Variants in TRMT13 observed in about 807,000 individuals in gnomAD.
TRMT13 encodes the protein tRNA:m(4)X modification enzyme TRM13 homolog.
TRMT13 carries 45 observed loss-of-function variants against 55.9 expected under a neutral mutation model. That is an observed-to-expected ratio of 0.80 (90% CI 0.63 to 1.03). The LOEUF (loss-of-function observed/expected upper bound fraction) is 1.03. Among genes scored for constraint, TRMT13 ranks in the 50% least tolerant of loss-of-function variants. The pLI is 0.00. For synonymous variants in TRMT13, 183 were observed against 196.3 expected (o/e 0.93, Z 0.57); for missense variants, 513 against 563.9 (o/e 0.91, Z 0.91).
At chr1:100,133,879 C>G (rs1655412808) in intron 1 of TRMT13, among the ~76,000 whole-genome samples, 1 of 152,034 alleles carries the variant, frequency 6.6e-6, no homozygotes, top group Admixed American at 6.5e-5. Flanking sequence ...AACCCTCTCT[C>G]TACTAAAAAT....
rs1196334875 is a variant in TRMT13, at chr1:100,149,467, A to G, written c.*647A>G. 1.3e-6 allele frequency: 2 copies of G among 1,526,656 alleles called. No homozygotes were observed. Among genetic ancestry groups the G allele is most frequent in the Non-Finnish European group, 1.8e-6 (2 of 1,137,054 alleles). 94.6% of individuals were successfully genotyped at this position (1,526,656 alleles called of 1,614,324 possible). On this transcript the variant is annotated 3_prime_UTR_variant, in exon 11 of 11. Transcript: ENST00000370141. The stretch of plus-strand genomic sequence containing the variant: ...TCAAAGAAAAAAGATTATTTCACTT[A>G]ATTATTTTGTTGGATAATTGTCTAG...
intron 1 of TRMT13, among the ~76,000 whole-genome samples, chr1:100,136,338 G>C (rs1445099614): frequency 6.6e-6 from 1 of 152,094 alleles, no homozygotes; most frequent in Non-Finnish European, 1.5e-5. Context: ...TCCAAAAAAT[G>C]ATTAGTATGT....
intron 7 of TRMT13, among the ~76,000 whole-genome samples, chr1:100,142,220 T>G (rs555021484): frequency 1.3e-5 from 2 of 152,276 alleles, no homozygotes; most frequent in South Asian, 4.2e-4. Flanking sequence ...GTCATAGAAG[T>G]TTTTGCAGAA....
Position 100,133,462 on chromosome 1 carries a change from C to T in TRMT13, c.147+147C>T, listed in dbSNP as rs566261768. On this transcript the variant is annotated intron_variant, in intron 1 of 10. Transcript: ENST00000370141. ...TCACTTTAATAAACCCAGTTTTGCCCTCCTTGCGGAGCGATTATGAGTTCT... is the reference window on the plus strand; with the variant it reads ...TCACTTTAATAAACCCAGTTTTGCCTTCCTTGCGGAGCGATTATGAGTTCT... 65 of 1,022,600 alleles carry T rather than the reference C, an allele frequency of 6.4e-5. No homozygotes were observed. In the East Asian group the frequency reaches 1.3e-3, roughly 21 times the overall value. 63.3% of individuals were successfully genotyped at this position (1,022,600 alleles called of 1,614,324 possible).
At chr1:100,140,046 T>C in intron 4 of TRMT13, 136 bp from the exon 5 acceptor site, 2 of 627,626 alleles carry the variant, frequency 3.2e-6, no homozygotes, top group Non-Finnish European at 5.6e-6. Flanking sequence ...GATGGCAGCT[T>C]AGGGAAAAGG....
intron 1 of TRMT13, among the ~76,000 whole-genome samples, chr1:100,134,882 G>A (rs535268014): frequency 3.3e-5 from 5 of 152,154 alleles, no homozygotes; most frequent in Non-Finnish European, 7.4e-5. Flanking sequence ...CTACTATCTC[G>A]TTTTAAATTG....
intron 6 of TRMT13, 165 bp downstream of exon 6, chr1:100,140,679 T>A: frequency 1.2e-6 from 1 of 840,134 alleles, no homozygotes; most frequent in Non-Finnish European, 1.8e-6. Context: ...AGGGCATGGA[T>A]GTGATTCTGA....
At position 100,149,611 on chromosome 1, in the gene TRMT13, A is replaced by T. The variant is rs749900150; in HGVS notation, c.*791A>T. 1.9e-6 allele frequency: 1 copy of T among 520,078 alleles called. No individual in the cohort carries two copies. The highest frequency in any genetic ancestry group is 3.7e-5 in the East Asian group (1 of 27,032). The allele number at this position is 520,078 out of a possible 1,614,324, so 32.2% of individuals were successfully genotyped here. A position where few individuals can be genotyped will look rare whatever the true frequency, so the allele number is the denominator to read the frequency against. ...TTTTTTATATATGTAGGCACAAACAATAAGTATGTTCTCTTCTGTTTGGGA... is the reference window on the plus strand; with the variant it reads ...TTTTTTATATATGTAGGCACAAACATTAAGTATGTTCTCTTCTGTTTGGGA... On this transcript the variant is annotated 3_prime_UTR_variant, in exon 11 of 11. Transcript: ENST00000370141.
intron 7 of TRMT13, 131 bp downstream of exon 7, chr1:100,141,150 ATTAG>A (rs1656576379): frequency 2.5e-6 from 2 of 803,218 alleles, no homozygotes; most frequent in Non-Finnish European, 3.7e-6. Context: ...GTAGCTTTTT[ATTAG>A]TTCTAATTGT....
intron 7 of TRMT13, among the ~76,000 whole-genome samples, chr1:100,142,092 G>C (rs1225394959): frequency 6.6e-6 from 1 of 152,164 alleles, no homozygotes; most frequent in Admixed American, 6.5e-5. Flanking sequence ...GGAAGCTTAC[G>C]TCTAGTGGAG....
chr1:100,143,424 A>T (rs1303722802), intron 8 of TRMT13, among the ~76,000 whole-genome samples: 1 of 152,214 alleles, frequency 6.6e-6, no homozygotes, highest in Non-Finnish European at 1.5e-5. Context: ...AGTGGAAATG[A>T]AGTGTTATAT....
Position 100,147,961 on chromosome 1 carries a change from A to G in TRMT13, c.885A>G (p.Leu295=). The G allele has an allele frequency of 6.2e-7, 1 of 1,613,804 alleles. No homozygotes were observed. Among genetic ancestry groups the G allele is most frequent in the Non-Finnish European group, 8.5e-7 (1 of 1,179,974 alleles). ...ASFEERNEEP[L]AKRIKNDKTE... ...TTGAGGAAAGGAATGAAGAACCTTT[A>G]GCCAAACGCATAAAGAATGATAAAA... The change falls in exon 10 of 11, where the codon TTA becomes TTG. Residue 295 remains leucine (L), a synonymous_variant. Coordinates refer to ENST00000370141, the MANE Select transcript of TRMT13 (RefSeq NM_019083.3).
chr1:100,149,352 A>G lies in TRMT13; in HGVS notation c.*532A>G. The stretch of plus-strand genomic sequence containing the variant: ...TATTCACAATTAATAAACACAATTA[A>G]TTAATGAAGTCACCTTCAAATTTCC... On this transcript the variant is annotated 3_prime_UTR_variant, in exon 11 of 11. Transcript: ENST00000370141. 6.5e-7 allele frequency: 1 copy of G among 1,543,536 alleles called. No homozygotes were observed. Among genetic ancestry groups the G allele is most frequent in the Non-Finnish European group, 8.7e-7 (1 of 1,144,956 alleles).
chr1:100,139,752 A>G (rs966135007), intron 4 of TRMT13, 41 bp downstream of exon 4: 12 of 1,241,422 alleles, frequency 9.7e-6, no homozygotes, highest in African/African-American at 1.5e-5. Context: ...AAAGATATTT[A>G]TAAGCTCTCT....
intron 9 of TRMT13, among the ~76,000 whole-genome samples, chr1:100,147,605 A>G (rs967864140): frequency 3.3e-5 from 5 of 152,206 alleles, no homozygotes; most frequent in Non-Finnish European, 5.9e-5. Flanking sequence ...GTGAGAGACA[A>G]TTCAGGTAGT....
At position 100,147,761 on chromosome 1, in the gene TRMT13, C is replaced by T; in HGVS notation, c.818-133C>T. The T allele has an allele frequency of 1.4e-5, 11 of 759,758 alleles. No homozygotes were observed. In the South Asian group the frequency reaches 2.1e-4, roughly 14 times the overall value. The allele number at this position is 759,758 out of a possible 1,614,324, so 47.1% of individuals were successfully genotyped here. On this transcript the variant is annotated intron_variant, in intron 9 of 10. Transcript: ENST00000370141. ...TTGATAATTCATGATAGTATTATTA[C>T]AAATATAAAGCTGAGTAGGTTTTTG...
Position 100,148,264 on chromosome 1 carries a change from T to G in TRMT13, c.1188T>G (p.Asp396Glu). ...TTKRQDNQND[D>E]SEEHDDGGYR... is the part of the protein sequence containing the mutation. ...AGAGGCAAGATAATCAGAATGATGA[T>G]AGTGAAGAGCATGATGATGGAGGAT... Residue 396 changes from aspartate to glutamate, a missense_variant, in exon 10 of 11, where the codon GAT (aspartate) becomes GAG (glutamate). Coordinates refer to ENST00000370141, the MANE Select transcript of TRMT13 (RefSeq NM_019083.3). The G allele has an allele frequency of 1.9e-6, 3 of 1,614,092 alleles. No homozygotes were observed. Among genetic ancestry groups the G allele is most frequent in the South Asian group, 2.2e-5 (2 of 91,086 alleles).
At chr1:100,135,247 C>CT (rs543119678) in intron 1 of TRMT13, among the ~76,000 whole-genome samples, 5 of 151,414 alleles carry the variant, frequency 3.3e-5, no homozygotes, top group East Asian at 1.9e-4. Flanking sequence ...TTTAAATGTG[C>CT]TTTTTTTTTC....
intron 7 of TRMT13, among the ~76,000 whole-genome samples, chr1:100,141,290 A>C (rs1462332196): frequency 6.6e-6 from 1 of 152,168 alleles, no homozygotes; most frequent in Non-Finnish European, 1.5e-5. Flanking sequence ...GCTAGGAGTT[A>C]AAAGTCTTGG....
Sources: gnomAD v4.1 joint callset for allele counts (sites outside exome capture counted in the v4.1 genomes callset) on GRCh38, gnomAD v4.1.1 for gene constraint, MANE v1.5 for transcripts, NCBI Gene and HGNC (gene_info 2026-07-23, HGNC 2026-07-21) for gene names.